CACNA1C: variants seen among roughly 807,000 people sequenced by gnomAD.
CACNA1C encodes the protein calcium voltage-gated channel subunit alpha1 C.
CACNA1C carries 30 observed loss-of-function variants against 229.0 expected under a neutral mutation model. The observed-to-expected ratio is 0.13, with a 90% CI of 0.10 to 0.18. The LOEUF (loss-of-function observed/expected upper bound fraction) is 0.18. Among genes scored for constraint, CACNA1C ranks in the 10% least tolerant of loss-of-function variants. The probability of loss-of-function intolerance (pLI) is 1.00; values close to 1 mark genes in which losing one functional copy is unlikely to be tolerated. For missense variants in CACNA1C, 1,658 were observed against 2,845.0 expected (o/e 0.58, Z 9.49); for synonymous variants, 1,114 against 1,132.5 (o/e 0.98, Z 0.33).
At chr12:1,991,018 AG>A (rs1216066382) in intron 1 of CACNA1C, 1 of 414,398 alleles carries the variant, frequency 2.4e-6, no homozygotes, top group African/African-American at 2.1e-5. Context: ...AATCCAGAAA[AG>A]TAAATAGATC....
intron 3 of CACNA1C, among the ~76,000 whole-genome samples, chr12:2,318,882 T>C (rs1294445621): frequency 1.4e-5 from 2 of 142,906 alleles, no homozygotes; most frequent in Non-Finnish European, 3.1e-5. Flanking sequence ...ATGGGGAGGG[T>C]TGGATAGAAG....
At chr12:2,313,631 C>T (rs1360826548) in intron 3 of CACNA1C, among the ~76,000 whole-genome samples, 1 of 152,166 alleles carries the variant, frequency 6.6e-6, no homozygotes, top group Non-Finnish European at 1.5e-5. Context: ...TGGGGACTGG[C>T]TTTTCCTGAC....
Position 2,067,110 on chromosome 12 carries a change from A to G in CACNA1C, c.49+13499A>G, listed in dbSNP as rs559244462. 9.9e-5 allele frequency among the ~76,000 whole-genome samples: 15 copies of G among 152,252 alleles called. No individual in the cohort carries two copies. Among genetic ancestry groups the G allele is most frequent in the African/African-American group, 3.4e-4 (14 of 41,560 alleles). The stretch of plus-strand genomic sequence containing the variant: ...CCCCAGAAATGAATTTGGCAAAGTG[A>G]GACAGCTGCTGACTAGGTCTGGGGG... On this transcript the variant is annotated intron_variant, in intron 1 of 46. Transcript: ENST00000399655. The surrounding 1 kb of genome is among the most constrained non-coding windows in gnomAD (Gnocchi z 5.3).
chr12:2,528,866 C>T (rs1169560386), intron 9 of CACNA1C, among the ~76,000 whole-genome samples: 2 of 152,120 alleles, frequency 1.3e-5, no homozygotes, highest in African/African-American at 4.8e-5. Flanking sequence ...GCATCGTTAG[C>T]GTGATCTGAG....
chr12:2,375,405 G>A (rs1013988067), intron 3 of CACNA1C, among the ~76,000 whole-genome samples: 2 of 152,178 alleles, frequency 1.3e-5, no homozygotes, highest in Admixed American at 6.5e-5. Context: ...CAGGAGATGC[G>A]TTTCCTGGGT....
intron 3 of CACNA1C, among the ~76,000 whole-genome samples, chr12:2,203,966 T>C (rs978144994): frequency 1.3e-5 from 2 of 152,202 alleles, no homozygotes; most frequent in African/African-American, 4.8e-5. Flanking sequence ...CTGCAGTCTT[T>C]TGGACATTAA....
In CACNA1C at chr12:2,689,197, G is replaced by A. The variant is rs1317385143; in HGVS notation, c.6117+418G>A. On this transcript the variant is annotated intron_variant, in intron 46 of 46. Transcript: ENST00000399655. This position sits in a 1 kb window ranked among gnomAD's most constrained non-coding sequence, Gnocchi z 4.2. ...GTTAAAGCTCTTCGATGATTTTAACGTGTAGCAAGGTTGAGAGCCACTAGC... is the reference window on the plus strand; with the variant it reads ...GTTAAAGCTCTTCGATGATTTTAACATGTAGCAAGGTTGAGAGCCACTAGC... Among the ~76,000 whole-genome samples the A allele has an allele frequency of 4.6e-5, 7 of 152,110 alleles. No individual in the cohort carries two copies. The highest frequency in any genetic ancestry group is 1.2e-4 in the African/African-American group (5 of 41,432).
At chr12:2,095,920 G>A (rs149695715) in intron 1 of CACNA1C, among the ~76,000 whole-genome samples, 1 of 152,284 alleles carries the variant, frequency 6.6e-6, no homozygotes, top group African/African-American at 2.4e-5. Flanking sequence ...AATGTCTTTT[G>A]TCTCCTTACT....
At position 2,679,366 on chromosome 12, in the gene CACNA1C, A is replaced by C; in HGVS notation, c.5092-78A>C. On this transcript the variant is annotated intron_variant, in intron 41 of 46. Transcript: ENST00000399655. This position sits in a 1 kb window ranked among gnomAD's most constrained non-coding sequence, Gnocchi z 5.5. ...CCTTCCCAGGCCCTGCACTTCCCTG[A>C]CCTGGCTGTGGAGGCTGCTCTCTGG... 9.0e-7 allele frequency: 1 copy of C among 1,107,750 alleles called. No individual in the cohort carries two copies. Among genetic ancestry groups the C allele is most frequent in the Non-Finnish European group, 1.3e-6 (1 of 789,664 alleles). 68.6% of individuals were successfully genotyped at this position (1,107,750 alleles called of 1,614,324 possible).
At chr12:2,447,074 A>G (rs1310093371) in intron 3 of CACNA1C, among the ~76,000 whole-genome samples, 3 of 152,160 alleles carry the variant, frequency 2.0e-5, no homozygotes, top group African/African-American at 7.2e-5. Flanking sequence ...CTGAACCATC[A>G]TGGGTTGGGG....
At chr12:2,626,067 C>T (rs542169103) in intron 29 of CACNA1C, among the ~76,000 whole-genome samples, 1 of 152,350 alleles carries the variant, frequency 6.6e-6, no homozygotes, top group African/African-American at 2.4e-5. Context: ...CCTGCACAAC[C>T]CGAGGCTCAT....
At chr12:1,986,030 G>A (rs1328749832) in intron 1 of CACNA1C, among the ~76,000 whole-genome samples, 2 of 152,148 alleles carry the variant, frequency 1.3e-5, no homozygotes, top group Non-Finnish European at 2.9e-5. Context: ...AGCCAGGATG[G>A]TCTCGATCTC....
intron 1 of CACNA1C, among the ~76,000 whole-genome samples, chr12:2,077,128 T>A (rs149506879): frequency 1.3e-5 from 2 of 152,282 alleles, no homozygotes; most frequent in Non-Finnish European, 2.9e-5. Context: ...GTACAGCTAA[T>A]AGCTGCATGT....
intron 7 of CACNA1C, among the ~76,000 whole-genome samples, chr12:2,500,029 G>A (rs752191737): frequency 2.0e-5 from 3 of 152,106 alleles, no homozygotes; most frequent in Non-Finnish European, 4.4e-5. Flanking sequence ...AGCCAGGCAG[G>A]CCAGAGAATC....
intron 18 of CACNA1C, among the ~76,000 whole-genome samples, chr12:2,590,349 T>C (rs1281811897): frequency 6.6e-6 from 1 of 152,188 alleles, no homozygotes; most frequent in Admixed American, 6.5e-5. Context: ...TCACTTCCGA[T>C]GCTTTTTTCC....
At position 2,062,066 on chromosome 12, in the gene CACNA1C, C is replaced by T. The variant is rs577142266; in HGVS notation, c.49+8455C>T. 1.1e-4 allele frequency among the ~76,000 whole-genome samples: 17 copies of T among 152,266 alleles called. No homozygotes were observed. The South Asian group carries it at 1.5e-3, about 13-fold the overall frequency. ...ATCAAAAAGTATGCTGGGAAACTTT[C>T]GCACTTTCGCATTTGTTTGCACCTT... On this transcript the variant is annotated intron_variant, in intron 1 of 46. Transcript: ENST00000399655.
At chr12:2,041,341 G>A (rs113059543) in intron 1 of CACNA1C, among the ~76,000 whole-genome samples, 7,641 of 142,992 alleles carry the variant, frequency 0.053, 270 homozygotes, top group Middle Eastern at 0.09. Flanking sequence ...CAGTGGCGCT[G>A]TCTTGGCTCA....
intron 3 of CACNA1C, among the ~76,000 whole-genome samples, chr12:2,211,473 G>C (rs2097914412): frequency 6.6e-6 from 1 of 152,252 alleles, no homozygotes; most frequent in African/African-American, 2.4e-5. Context: ...TGTTGCTGCT[G>C]TAGTTTTGTA....
intron 3 of CACNA1C, among the ~76,000 whole-genome samples, chr12:2,262,054 A>T (rs1469381109): frequency 6.6e-6 from 1 of 152,256 alleles, no homozygotes; most frequent in East Asian, 1.9e-4. Context: ...TCTACAGCAG[A>T]GTCAGGCTAA....
Sources: allele counts gnomAD v4.1 joint callset (sites outside exome capture counted in the v4.1 genomes callset), GRCh38; gene constraint gnomAD v4.1.1; non-coding constraint Gnocchi (gnomAD v3.1); transcripts MANE v1.5; gene names NCBI Gene and HGNC (gene_info 2026-07-23, HGNC 2026-07-21).